Variants in PLCG2 observed in about 807,000 individuals in gnomAD.
PLCG2 encodes phospholipase C gamma 2.
A neutral mutation model predicts 175.6 loss-of-function variants in PLCG2; 69 were observed. The ratio of observed to expected loss-of-function variants is 0.39; its 90% CI spans 0.32 to 0.48. PLCG2 has a LOEUF of 0.48. Among genes scored for constraint, PLCG2 ranks in the 20% least tolerant of loss-of-function variants. PLCG2 has a pLI of 0.91. For synonymous variants in PLCG2, 827 were observed against 624.0 expected, an observed-to-expected ratio of 1.33 and a Z score of -4.85; for missense variants, 1,798 against 1,650.9, an observed-to-expected ratio of 1.09 and a Z score of -1.54.
chr16:81,739,805 G>A (rs917914460), intron 1 of PLCG2: 1 of 152,260 alleles, frequency 6.6e-6, no homozygotes, highest in Non-Finnish European at 1.5e-5. Flanking sequence ...CTACTCCGTA[G>A]GGTTGTTAGA....
chr16:81,800,941 C>G (rs1433571502), intron 2 of PLCG2, among the ~76,000 whole-genome samples: 5 of 152,016 alleles, frequency 3.3e-5, no homozygotes, highest in Non-Finnish European at 5.9e-5. Flanking sequence ...CCAGCTGGCT[C>G]TGAAGATGGA....
At chr16:81,785,050 A>T (rs1476039860) in intron 1 of PLCG2, among the ~76,000 whole-genome samples, 1 of 152,130 alleles carries the variant, frequency 6.6e-6, no homozygotes, top group African/African-American at 2.4e-5. Context: ...CAGGTCAGGG[A>T]AGAAGTGGGG....
chr16:81,776,217 T>C (rs1910403050), upstream of PLCG2, among the ~76,000 whole-genome samples: 2 of 151,020 alleles, frequency 1.3e-5, no homozygotes, highest in Non-Finnish European at 2.9e-5. Flanking sequence ...CAGGCCATTC[T>C]CCTGCCTCAG....
chr16:81,956,056 C>T lies in PLCG2; in HGVS notation c.3571-639C>T, dbSNP rs991067843. Among the ~76,000 whole-genome samples, 3 of 152,314 alleles carry T rather than the reference C, an allele frequency of 2.0e-5. No homozygotes were observed. In the South Asian group the frequency reaches 6.2e-4, roughly 32 times the overall value. ...GAAACCTCACGCTCATTAGCTGCTG[C>T]CACTCACTCCATCCCCCAGACCCCG... is the stretch of plus-strand genomic sequence containing the variant. On this transcript the variant is annotated intron_variant, in intron 31 of 32. Transcript: ENST00000564138.
chr16:81,749,988 A>G lies in PLCG2; in HGVS notation c.-144-5882A>G, dbSNP rs377746948. On this transcript the variant is annotated intron_variant, in intron 1 of 5. Coordinates refer to the PLCG2 transcript ENST00000565054. ...GCTGGCTGGATTTGCTGACCTAGAA[A>G]GAGATCTGCAATATACCGTTAAGTA... Among the ~76,000 whole-genome samples, 6 of 152,232 alleles carry G rather than the reference A, an allele frequency of 3.9e-5. No homozygotes were observed. The East Asian group carries it at 1.2e-3, about 29-fold the overall frequency.
In PLCG2 at chr16:81,787,176, TTTG is replaced by T. The variant is rs369748186; in HGVS notation, c.193+997_193+999del. 3.3e-5 allele frequency among the ~76,000 whole-genome samples: 5 copies of T among 152,276 alleles called. No homozygotes were observed. The East Asian group carries it at 9.7e-4, about 29-fold the overall frequency. On this transcript the variant is annotated intron_variant, in intron 2 of 32. Transcript: ENST00000564138. ...GGGCATTTCATGCTATTTCCAGGCTTTTGTTATTATTCGAAGTGACTATCATTG... is the reference window on the plus strand; with the variant it reads ...GGGCATTTCATGCTATTTCCAGGCTTTTATTATTCGAAGTGACTATCATTG...
At chr16:81,854,356 A>C (rs929028021) in intron 2 of PLCG2, 88 bp from the exon 3 acceptor site, 1 of 1,215,862 alleles carries the variant, frequency 8.2e-7, no homozygotes, top group African/African-American at 1.5e-5. Context: ...GGAAGGAGCC[A>C]GGCTGTGCCT....
intron 14 of PLCG2, 148 bp from the exon 15 acceptor site, chr16:81,905,255 C>T: frequency 1.6e-6 from 1 of 613,562 alleles, no homozygotes; most frequent in Non-Finnish European, 2.9e-6. Flanking sequence ...ACCTGGAGGG[C>T]AGAGCTGAAC....
At chr16:81,919,731 G>C in intron 20 of PLCG2, 67 bp downstream of exon 20, 1 of 1,369,776 alleles carries the variant, frequency 7.3e-7, no homozygotes. Flanking sequence ...ATCTGTTCAT[G>C]AATTCAGCAA....
chr16:81,804,369 C>G (rs1281322396), intron 2 of PLCG2, among the ~76,000 whole-genome samples: 1 of 152,120 alleles, frequency 6.6e-6, no homozygotes, highest in Admixed American at 6.5e-5. Flanking sequence ...AGACAGTGTC[C>G]TATTTTCAAC....
chr16:81,844,185 G>A (rs1035588441), intron 2 of PLCG2, among the ~76,000 whole-genome samples: 15 of 140,422 alleles, frequency 1.1e-4, no homozygotes, highest in African/African-American at 4.0e-4. Flanking sequence ...TAGTAGAGAC[G>A]AGGTTTCACG....
chr16:81,821,408 A>G (rs75392081), intron 2 of PLCG2, among the ~76,000 whole-genome samples: 1,956 of 152,300 alleles, frequency 0.013, 41 homozygotes, highest in African/African-American at 0.044. Flanking sequence ...GAATGAATGA[A>G]ATAATACAAA....
chr16:81,853,618 T>C (rs55856197), intron 2 of PLCG2, among the ~76,000 whole-genome samples: 32,379 of 152,164 alleles, frequency 0.21, 3,465 homozygotes, highest in African/African-American at 0.23. Context: ...ATGCCGCTGC[T>C]GATCTGACAG....
intron 26 of PLCG2, among the ~76,000 whole-genome samples, chr16:81,935,250 C>A (rs1450921766): frequency 6.6e-6 from 1 of 150,996 alleles, no homozygotes; most frequent in East Asian, 1.9e-4. Flanking sequence ...CCTTGGCCTT[C>A]TCCTCTTCTG....
At chr16:81,914,036 T>A (rs1218509072) in intron 19 of PLCG2, among the ~76,000 whole-genome samples, 1 of 152,202 alleles carries the variant, frequency 6.6e-6, no homozygotes, top group Non-Finnish European at 1.5e-5. Context: ...CTCTGCCCTT[T>A]GCTCTTTCCC....
At position 81,960,694 on chromosome 16, in the gene PLCG2, A is replaced by T. The variant is rs1317513037; in HGVS notation, c.*2696A>T. On this transcript the variant is annotated 3_prime_UTR_variant, in exon 33 of 33. Coordinates refer to ENST00000564138, the MANE Select transcript of PLCG2 (RefSeq NM_002661.5). The stretch of plus-strand genomic sequence containing the variant: ...AACACATTTGAAGACCTACTGCTCT[A>T]TTAAGAAGGCAGCCGGACAACATGT... The T allele has an allele frequency of 4.3e-6, 1 of 230,076 alleles. No homozygotes were observed. Among genetic ancestry groups the T allele is most frequent in the Non-Finnish European group, 8.6e-6 (1 of 116,024 alleles). The allele number at this position is 230,076 out of a possible 1,614,324, so 14.3% of individuals were successfully genotyped here.
chr16:81,804,856 A>G (rs757766558), intron 2 of PLCG2, among the ~76,000 whole-genome samples: 55 of 152,210 alleles, frequency 3.6e-4, no homozygotes, highest in Non-Finnish European at 1.3e-4. Context: ...AGTGTTCTTG[A>G]AAGCTTGGGA....
chr16:81,919,369 T>C (rs1909968949), intron 19 of PLCG2, 115 bp from the exon 20 acceptor site: 2 of 739,546 alleles, frequency 2.7e-6, no homozygotes, highest in African/African-American at 3.5e-5. Context: ...CCCTGTTTAT[T>C]TACCCACTTC....
intron 2 of PLCG2, among the ~76,000 whole-genome samples, chr16:81,760,752 A>AAAAAAAT (rs1555562053): frequency 2.2e-5 from 2 of 91,990 alleles, no homozygotes; most frequent in South Asian, 3.8e-4. Context: ...CTCTATTAAA[A>AAAAAAAT]AAAAAAATAA....
Sources: allele counts gnomAD v4.1 joint callset (sites outside exome capture counted in the v4.1 genomes callset), GRCh38; gene constraint gnomAD v4.1.1; transcripts MANE v1.5; gene names NCBI Gene and HGNC (gene_info 2026-07-23, HGNC 2026-07-21).